TMEM117: variants seen among roughly 807,000 people sequenced by gnomAD.
The protein encoded by TMEM117 is transmembrane protein 117.
In TMEM117, 27 loss-of-function variants were observed where a neutral mutation model predicts 52.4. That is an observed-to-expected ratio of 0.51 (90% CI 0.38 to 0.71). The LOEUF (loss-of-function observed/expected upper bound fraction) is 0.71. Ranked by LOEUF, TMEM117 falls within the 30% of genes least tolerant of loss-of-function variation. The probability of loss-of-function intolerance (pLI) is 0.00; values close to 1 mark genes in which losing one functional copy is unlikely to be tolerated. For missense variants in TMEM117, 556 were observed against 630.5 expected (o/e 0.88, Z 1.26); for synonymous variants, 215 against 206.3 (o/e 1.04, Z -0.36).
In TMEM117 at chr12:44,182,231, T is replaced by A. The variant is rs1949211366; in HGVS notation, c.511-29059T>A. On this transcript the variant is annotated intron_variant, in intron 4 of 7. Transcript: ENST00000266534. The stretch of plus-strand genomic sequence containing the variant: ...TATCCTGAGACTTTGCTGAAGTTGA[T>A]TATCAGCTTATGGAGATTTTGGGCT... 2.6e-5 allele frequency among the ~76,000 whole-genome samples: 4 copies of A among 152,200 alleles called. No individual in the cohort carries two copies. In the South Asian group the frequency reaches 8.3e-4, roughly 32 times the overall value.
Position 44,388,797 on chromosome 12 carries a change from C to A in TMEM117, c.*125C>A. The A allele has an allele frequency of 1.7e-5, 17 of 1,012,818 alleles. No individual in the cohort carries two copies. The highest frequency in any genetic ancestry group is 2.4e-5 in the Non-Finnish European group (17 of 695,492). 62.7% of individuals were successfully genotyped at this position (1,012,818 alleles called of 1,614,324 possible). On this transcript the variant is annotated 3_prime_UTR_variant, in exon 8 of 8. Transcript: ENST00000266534. ...GGTAAAAATATGAACAATGCCACAACGGTGCTCAACATGCTTTTTCTAGGA... is the reference window on the plus strand; with the variant it reads ...GGTAAAAATATGAACAATGCCACAAAGGTGCTCAACATGCTTTTTCTAGGA...
intron 7 of TMEM117, among the ~76,000 whole-genome samples, chr12:44,384,730 G>A (rs1952065228): frequency 1.3e-5 from 2 of 151,992 alleles, no homozygotes; most frequent in East Asian, 1.9e-4. Flanking sequence ...TCACTTTTAG[G>A]ATATATCTTT....
chr12:44,204,694 C>A (rs73100829), intron 4 of TMEM117, among the ~76,000 whole-genome samples: 15,763 of 151,984 alleles, frequency 0.1, 910 homozygotes, highest in Middle Eastern at 0.2. Context: ...CATATTGGTA[C>A]AAAAACAAAT....
At chr12:44,268,009 T>C (rs1240294225) in intron 5 of TMEM117, among the ~76,000 whole-genome samples, 1 of 152,228 alleles carries the variant, frequency 6.6e-6, no homozygotes, top group Non-Finnish European at 1.5e-5. Flanking sequence ...CCTTTGGATA[T>C]GTACCCAGTA....
chr12:43,849,113 G>A (rs1943261910), intron 2 of TMEM117, among the ~76,000 whole-genome samples: 1 of 152,194 alleles, frequency 6.6e-6, no homozygotes, highest in Admixed American at 6.5e-5. Context: ...AACTCAGTTG[G>A]ATCATCCACC....
intron 7 of TMEM117, among the ~76,000 whole-genome samples, chr12:44,385,110 T>C (rs1168341790): frequency 1.3e-5 from 2 of 152,190 alleles, no homozygotes; most frequent in African/African-American, 4.8e-5. Flanking sequence ...CCCAAGGTCA[T>C]ATGCTTTAAG....
At chr12:44,077,751 CAAA>C (rs770880841) in intron 3 of TMEM117, among the ~76,000 whole-genome samples, 14 of 152,154 alleles carry the variant, frequency 9.2e-5, no homozygotes, top group East Asian at 5.8e-4. Flanking sequence ...GAAAAAGATG[CAAA>C]ATGTTACTGC....
intron 5 of TMEM117, among the ~76,000 whole-genome samples, chr12:44,232,896 A>G (rs1160465676): frequency 6.6e-6 from 1 of 151,256 alleles, no homozygotes; most frequent in Non-Finnish European, 1.5e-5. Flanking sequence ...TTTAAATACT[A>G]TTGTGAGTTA....
At chr12:43,808,851 C>G in the TMEM117 span, among the ~76,000 whole-genome samples, 5 of 146,784 alleles carry the variant, frequency 3.4e-5, no homozygotes, top group African/African-American at 7.5e-5. Flanking sequence ...TACTACTACT[C>G]AATTCAATTC....
Position 44,232,762 on chromosome 12 carries a change from G to A in TMEM117, c.608+21375G>A, listed in dbSNP as rs1949949411. Among the ~76,000 whole-genome samples the A allele has an allele frequency of 2.0e-5, 3 of 151,146 alleles. No homozygotes were observed. The South Asian group carries it at 6.2e-4, about 31-fold the overall frequency. On this transcript the variant is annotated intron_variant, in intron 5 of 7. Coordinates refer to ENST00000266534, the MANE Select transcript of TMEM117 (RefSeq NM_032256.3). ...ATATTCCTTTATTTGTGTCTTTAAT[G>A]TTTCTCAGTAAACAATATCATGTTC...
intron 3 of TMEM117, among the ~76,000 whole-genome samples, chr12:44,080,338 G>A (rs1173391331): frequency 3.9e-5 from 6 of 152,130 alleles, no homozygotes; most frequent in Non-Finnish European, 4.4e-5. Flanking sequence ...CCAAGCAAGT[G>A]GGGGAAAAGA....
intron 6 of TMEM117, among the ~76,000 whole-genome samples, chr12:44,321,061 G>C (rs1290997540): frequency 6.6e-6 from 1 of 152,134 alleles, no homozygotes; most frequent in African/African-American, 2.4e-5. Flanking sequence ...ACTTGTGTGA[G>C]CTATTTTTAA....
At chr12:44,322,814 G>A (rs1266371694) in intron 6 of TMEM117, among the ~76,000 whole-genome samples, 1 of 151,970 alleles carries the variant, frequency 6.6e-6, no homozygotes, top group Non-Finnish European at 1.5e-5. Flanking sequence ...TGTGCTCCCC[G>A]CTGGCCGGCC....
chr12:43,927,214 C>A (rs906401183), intron 2 of TMEM117, among the ~76,000 whole-genome samples: 2 of 151,880 alleles, frequency 1.3e-5, no homozygotes, highest in Admixed American at 6.6e-5. Flanking sequence ...AATTATTTAA[C>A]ATTTTGTTAC....
At chr12:44,227,324 C>T (rs746496238) in intron 5 of TMEM117, among the ~76,000 whole-genome samples, 3 of 152,050 alleles carry the variant, frequency 2.0e-5, no homozygotes, top group Non-Finnish European at 2.9e-5. Context: ...ATTAGCCAGG[C>T]ATGGTGGCAT....
At chr12:43,960,607 C>CT (rs1026505964) in intron 3 of TMEM117, among the ~76,000 whole-genome samples, 1 of 152,098 alleles carries the variant, frequency 6.6e-6, no homozygotes, top group African/African-American at 2.4e-5. Flanking sequence ...AGAATGAACA[C>CT]TGATTTGACA....
chr12:43,883,780 CA>C lies in TMEM117; in HGVS notation c.277+38861del, dbSNP rs200958380. 9.4e-3 allele frequency among the ~76,000 whole-genome samples: 1,375 copies of C among 146,302 alleles called. 39 individuals are homozygous for C. The highest frequency in any genetic ancestry group is 0.069 in the East Asian group (347 of 5,050). On this transcript the variant is annotated intron_variant, in intron 2 of 7. Coordinates refer to ENST00000266534, the MANE Select transcript of TMEM117 (RefSeq NM_032256.3). ...GAAAGACAAAAAAAAAAACAAAAAA[CA>C]AAAAAAAACCCCAAACAAGGATCTA...
intron 4 of TMEM117, among the ~76,000 whole-genome samples, chr12:44,163,297 A>G (rs1052032621): frequency 7.9e-5 from 12 of 152,220 alleles, no homozygotes; most frequent in African/African-American, 2.7e-4. Context: ...TTTTGTCTAC[A>G]AGATGATCTC....
At chr12:44,197,570 C>A (rs762558664) in intron 4 of TMEM117, among the ~76,000 whole-genome samples, 5 of 152,076 alleles carry the variant, frequency 3.3e-5, no homozygotes, top group Non-Finnish European at 5.9e-5. Context: ...TGATCATTCT[C>A]ATTTTTTCCA....
Sources: allele counts gnomAD v4.1 joint callset (sites outside exome capture counted in the v4.1 genomes callset), GRCh38; gene constraint gnomAD v4.1.1; transcripts MANE v1.5; gene names NCBI Gene and HGNC (gene_info 2026-07-23, HGNC 2026-07-21).